ACVR1: variants seen among roughly 807,000 people sequenced by gnomAD.
The protein encoded by ACVR1 is activin A receptor type 1, also known as activin receptor type-1.
ACVR1 carries 38 observed loss-of-function variants against 57.1 expected under a neutral mutation model. The ratio of observed to expected loss-of-function variants is 0.67; its 90% CI spans 0.51 to 0.87. The LOEUF (loss-of-function observed/expected upper bound fraction) is 0.87. Ranked by LOEUF, ACVR1 falls within the 40% of genes least tolerant of loss-of-function variation. The pLI, the probability that ACVR1 is intolerant of heterozygous loss-of-function variation, is 0.00. For synonymous variants in ACVR1, 212 were observed against 228.1 expected (o/e 0.93, Z 0.63); for missense variants, 463 against 638.2 (o/e 0.73, Z 2.96).
chr2:157,746,744 G>A (rs1684980976), intron 9 of ACVR1, among the ~76,000 whole-genome samples: 1 of 152,280 alleles, frequency 6.6e-6, no homozygotes, highest in Middle Eastern at 3.4e-3. Flanking sequence ...AAAAACTATC[G>A]ATCCGAGTGA....
At chr2:157,844,895 G>A (rs1689083156) in intron 1 of ACVR1, among the ~76,000 whole-genome samples, 3 of 152,170 alleles carry the variant, frequency 2.0e-5, no homozygotes, top group South Asian at 4.1e-4. Context: ...AACACAGCAA[G>A]AAGGTGCCAT....
intron 1 of ACVR1, among the ~76,000 whole-genome samples, chr2:157,829,393 A>C (rs1183637694): frequency 1.3e-5 from 2 of 152,222 alleles, no homozygotes; most frequent in African/African-American, 4.8e-5. Context: ...TCCCACCAGC[A>C]GTGGCCCAAC....
intron 3 of ACVR1, among the ~76,000 whole-genome samples, chr2:157,780,864 G>C (rs2105281996): frequency 6.6e-6 from 1 of 152,266 alleles, no homozygotes; most frequent in East Asian, 1.9e-4. Flanking sequence ...GCTATCATCT[G>C]TCCACAGACT....
chr2:157,820,778 C>A (rs1688135583), intron 1 of ACVR1, among the ~76,000 whole-genome samples: 1 of 152,098 alleles, frequency 6.6e-6, no homozygotes, highest in Non-Finnish European at 1.5e-5. Context: ...GACGAACAAC[C>A]TAGCACTTAA....
At chr2:157,846,956 G>A (rs1689144274) in intron 1 of ACVR1, among the ~76,000 whole-genome samples, 1 of 152,130 alleles carries the variant, frequency 6.6e-6, no homozygotes. Flanking sequence ...ATAAAAAGAG[G>A]CTGGATAGGT....
intron 8 of ACVR1, 130 bp downstream of exon 8, chr2:157,765,791 C>T: frequency 1.2e-6 from 1 of 849,202 alleles, no homozygotes; most frequent in Non-Finnish European, 1.9e-6. Context: ...TAAAGGTGTT[C>T]ATTGTAAATG....
At chr2:157,764,067 A>G (rs1204466784) in intron 8 of ACVR1, among the ~76,000 whole-genome samples, 1 of 152,216 alleles carries the variant, frequency 6.6e-6, no homozygotes, top group Non-Finnish European at 1.5e-5. Context: ...GGATTATAAC[A>G]GAAGCTACAA....
At chr2:157,827,799 G>A (rs909386969) in intron 1 of ACVR1, among the ~76,000 whole-genome samples, 1 of 152,094 alleles carries the variant, frequency 6.6e-6, no homozygotes, top group Non-Finnish European at 1.5e-5. Context: ...ACACTGAACC[G>A]ATGAGCTAGA....
chr2:157,839,368 A>G (rs994094177), intron 1 of ACVR1, among the ~76,000 whole-genome samples: 1 of 152,222 alleles, frequency 6.6e-6, no homozygotes, highest in Admixed American at 6.5e-5. Context: ...TCTATAATGC[A>G]TAGGCCTCCA....
At position 157,874,630 on chromosome 2, in the gene ACVR1, G is replaced by T. The variant is rs1199167517; in HGVS notation, c.-183+1166C>A. 4.6e-5 allele frequency among the ~76,000 whole-genome samples: 7 copies of T among 152,170 alleles called. No individual in the cohort carries two copies. In the East Asian group the frequency reaches 1.3e-3, roughly 29 times the overall value. On this transcript the variant is annotated intron_variant, in intron 1 of 10. Transcript: ENST00000434821. ...CCAGGAAGAATTTTTTTGGGGAAAA[G>T]GGAGGTGGTGTCTATTTTTTGCCAC...
intron 1 of ACVR1, among the ~76,000 whole-genome samples, chr2:157,827,164 C>T (rs1400258933): frequency 2.0e-5 from 3 of 151,896 alleles, no homozygotes; most frequent in African/African-American, 7.3e-5. Flanking sequence ...AAATTTTCAC[C>T]AGATCATGCT....
At chr2:157,848,432 C>A (rs72925229) in intron 1 of ACVR1, among the ~76,000 whole-genome samples, 5,989 of 152,268 alleles carry the variant, frequency 0.039, 157 homozygotes, top group Non-Finnish European at 0.055. Context: ...AGCCAACAGC[C>A]AGCATCAACC....
chr2:157,833,410 C>T (rs1228021658), intron 1 of ACVR1, among the ~76,000 whole-genome samples: 2 of 152,180 alleles, frequency 1.3e-5, no homozygotes, highest in Non-Finnish European at 2.9e-5. Context: ...AGAGTGCTCT[C>T]TGGTGGAAAT....
chr2:157,773,543 A>G (rs950244356), intron 6 of ACVR1, among the ~76,000 whole-genome samples: 1 of 152,238 alleles, frequency 6.6e-6, no homozygotes, highest in African/African-American at 2.4e-5. Context: ...TATATACAAC[A>G]TGATTATGTC....
intron 1 of ACVR1, among the ~76,000 whole-genome samples, chr2:157,857,370 C>T (rs1273961898): frequency 1.3e-5 from 2 of 151,524 alleles, no homozygotes; most frequent in South Asian, 2.1e-4. Context: ...ACATGGTCCC[C>T]GTCCTCAAGG....
At position 157,780,482 on chromosome 2, in the gene ACVR1, G is replaced by A. The variant is rs1686465459; in HGVS notation, c.186C>T (p.Gly62=). ...QCFSSLSIND[G]FHVYQKGCFQ... ...AGCAGCCTTTCTGGTAGACGTGGAA[G>A]CCATCGTTGATGCTCAGTGAGGAAA... The change falls in exon 4 of 11, where the codon GGC becomes GGT. Residue 62 remains glycine (G), a synonymous_variant. Transcript: ENST00000434821. 6.2e-7 allele frequency: 1 copy of A among 1,614,018 alleles called. No homozygotes were observed. The highest frequency in any genetic ancestry group is 1.3e-5 in the African/African-American group (1 of 74,906).
At position 157,765,904 on chromosome 2, in the gene ACVR1, T is replaced by C. The variant is rs1685844568; in HGVS notation, c.1066+17A>G. 2 of 1,613,572 alleles carry C rather than the reference T, an allele frequency of 1.2e-6. No homozygotes were observed. Among genetic ancestry groups the C allele is most frequent in the Non-Finnish European group, 1.7e-6 (2 of 1,179,832 alleles). On this transcript the variant is annotated intron_variant, in intron 8 of 10. Coordinates refer to ENST00000434821, the MANE Select transcript of ACVR1 (RefSeq NM_001111067.4). ...AAAATAAAACTGGTGAGGAAAAAAA[T>C]ATTTTTAGAAATTTACCCAAATCTG...
intron 1 of ACVR1, among the ~76,000 whole-genome samples, chr2:157,823,930 C>G (rs750895954): frequency 6.6e-6 from 1 of 152,188 alleles, no homozygotes; most frequent in Non-Finnish European, 1.5e-5. Flanking sequence ...CCAACAGGTT[C>G]TGAGATGGGT....
chr2:157,750,449 A>G (rs760219724), intron 9 of ACVR1, among the ~76,000 whole-genome samples: 3 of 152,210 alleles, frequency 2.0e-5, no homozygotes, highest in Non-Finnish European at 4.4e-5. Flanking sequence ...CCCTCACCAC[A>G]GCCTCCATTA....
Sources: allele counts gnomAD v4.1 joint callset (sites outside exome capture counted in the v4.1 genomes callset), GRCh38; gene constraint gnomAD v4.1.1; transcripts MANE v1.5; gene names NCBI Gene and HGNC (gene_info 2026-07-23, HGNC 2026-07-21).